The following MAPKAPK3 variants were observed in gnomAD, a reference collection of about 807,000 sequenced individuals.
MAPKAPK3 encodes MAPK activated protein kinase 3.
MAPKAPK3 carries 35 observed loss-of-function variants against 49.2 expected under a neutral mutation model. The ratio of observed to expected loss-of-function variants is 0.71; its 90% CI spans 0.54 to 0.94. The LOEUF (loss-of-function observed/expected upper bound fraction) is 0.94, where lower values mean the gene tolerates loss of function less well. Ranked by LOEUF, MAPKAPK3 falls within the 40% of genes least tolerant of loss-of-function variation. The pLI is 0.00. For synonymous variants in MAPKAPK3, 178 were observed against 188.7 expected, an observed-to-expected ratio of 0.94 and a Z score of 0.46; for missense variants, 398 against 493.1, an observed-to-expected ratio of 0.81 and a Z score of 1.83.
At position 50,648,358 on chromosome 3, in the gene MAPKAPK3, C is replaced by A; in HGVS notation, c.*312C>A. On this transcript the variant is annotated 3_prime_UTR_variant, in exon 11 of 11. Transcript: ENST00000621469. ...GTCCTGCCCTGGTGCATGGCCTTAG[C>A]TTTCTAGGCCACTGGGAGTTGTGGC... 4.5e-6 allele frequency: 1 copy of A among 222,100 alleles called. No individual in the cohort carries two copies. The highest frequency in any genetic ancestry group is 8.9e-6 in the Non-Finnish European group (1 of 112,780). 13.8% of individuals were successfully genotyped at this position (222,100 alleles called of 1,614,324 possible).
At chr3:50,616,266 C>T (rs1191292307), upstream of MAPKAPK3, among the ~76,000 whole-genome samples, 1 of 152,064 alleles carries the variant, frequency 6.6e-6, no homozygotes, top group African/African-American at 2.4e-5. Flanking sequence ...CACAGCCACC[C>T]TCCCTATGGC....
At chr3:50,626,352 G>A (rs1024102059) in intron 2 of MAPKAPK3, among the ~76,000 whole-genome samples, 1 of 152,310 alleles carries the variant, frequency 6.6e-6, no homozygotes, top group East Asian at 1.9e-4. Flanking sequence ...AGAGGGCAGA[G>A]CTGAGTGTGA....
intron 2 of MAPKAPK3, among the ~76,000 whole-genome samples, chr3:50,620,210 C>T (rs1209344701): frequency 6.6e-6 from 1 of 152,094 alleles, no homozygotes; most frequent in African/African-American, 2.4e-5. Flanking sequence ...AGCTTCTGCC[C>T]ATTGCCCAGG....
upstream of MAPKAPK3, chr3:50,611,655 C>T: frequency 1.3e-6 from 2 of 1,489,782 alleles, no homozygotes; most frequent in Non-Finnish European, 1.8e-6. Context: ...GACCATGTCC[C>T]CGCGGCAGCG....
chr3:50,613,488 T>G (rs1428998245), upstream of MAPKAPK3, among the ~76,000 whole-genome samples: 2 of 152,196 alleles, frequency 1.3e-5, no homozygotes, highest in Non-Finnish European at 2.9e-5. Context: ...TAACCCACTT[T>G]GAGGGCTGGG....
intron 6 of MAPKAPK3, among the ~76,000 whole-genome samples, chr3:50,645,158 C>A (rs775695182): frequency 5.0e-4 from 76 of 152,146 alleles, no homozygotes; most frequent in Non-Finnish European, 9.7e-4. Flanking sequence ...GTGGGAAGTT[C>A]CCTGAGACAG....
intron 2 of MAPKAPK3, among the ~76,000 whole-genome samples, chr3:50,630,385 G>A (rs1482134032): frequency 6.6e-6 from 1 of 152,242 alleles, no homozygotes; most frequent in East Asian, 1.9e-4. Flanking sequence ...GGGCAGGCCT[G>A]TACAGTTGAA....
chr3:50,625,039 G>T (rs1169636693), intron 2 of MAPKAPK3, among the ~76,000 whole-genome samples: 1 of 152,168 alleles, frequency 6.6e-6, no homozygotes, highest in African/African-American at 2.4e-5. Flanking sequence ...CAGTGCTCTC[G>T]GCTTAAAATG....
chr3:50,635,069 G>A (rs147064444), intron 2 of MAPKAPK3, among the ~76,000 whole-genome samples: 3,293 of 152,328 alleles, frequency 0.022, 55 homozygotes, highest in Non-Finnish European at 0.033. Context: ...GAGGAAAAGG[G>A]ACTGGCCTAA....
intron 8 of MAPKAPK3, 42 bp from the exon 9 acceptor site, chr3:50,646,698 T>A: frequency 6.4e-7 from 1 of 1,565,210 alleles, no homozygotes; most frequent in Admixed American, 1.7e-5. Context: ...AGGGGCTGGC[T>A]CTGCAATCTC....
At chr3:50,616,303 G>A (rs958056037), upstream of MAPKAPK3, among the ~76,000 whole-genome samples, 1 of 152,170 alleles carries the variant, frequency 6.6e-6, no homozygotes, top group Non-Finnish European at 1.5e-5. Context: ...TCTCCCCAGG[G>A]GTCCCAGTTT....
At position 50,648,133 on chromosome 3, in the gene MAPKAPK3, A is replaced by G; in HGVS notation, c.*87A>G. ...GCCCTGGCCAGGAGGGCCCAGGGTC[A>G]TTCTTTTAACAAAAGGATTATTTTG... On this transcript the variant is annotated 3_prime_UTR_variant, in exon 11 of 11. Coordinates refer to ENST00000621469, the MANE Select transcript of MAPKAPK3 (RefSeq NM_001243925.2). 3 of 1,340,478 alleles carry G rather than the reference A, an allele frequency of 2.2e-6. No individual in the cohort carries two copies. In the South Asian group the frequency reaches 4.2e-5, roughly 19 times the overall value. 83.0% of individuals were successfully genotyped at this position (1,340,478 alleles called of 1,614,324 possible).
chr3:50,630,453 G>A (rs1378250226), intron 2 of MAPKAPK3, among the ~76,000 whole-genome samples: 1 of 152,256 alleles, frequency 6.6e-6, no homozygotes, highest in African/African-American at 2.4e-5. Flanking sequence ...ACGTGACCCA[G>A]AGAATCCACA....
intron 8 of MAPKAPK3, 63 bp downstream of exon 8, chr3:50,646,327 C>A: frequency 6.2e-7 from 1 of 1,606,634 alleles, no homozygotes; most frequent in Non-Finnish European, 8.5e-7. Context: ...TTCTGGGAAA[C>A]ATCACTTTGG....
chr3:50,625,895 C>T lies in MAPKAPK3; in HGVS notation c.219+8111C>T, dbSNP rs544434486. On this transcript the variant is annotated intron_variant, in intron 2 of 10. Coordinates refer to ENST00000621469, the MANE Select transcript of MAPKAPK3 (RefSeq NM_001243925.2). ...CTCATCCTGGTCAGCGGGCAGCTCA[C>T]TCCCCCACCCCCACCCCAGGGGAGG... 2.6e-5 allele frequency among the ~76,000 whole-genome samples: 4 copies of T among 152,196 alleles called. No homozygotes were observed. The South Asian group carries it at 6.2e-4, about 24-fold the overall frequency.
chr3:50,643,998 G>C (rs1448559590), intron 5 of MAPKAPK3, among the ~76,000 whole-genome samples: 1 of 152,174 alleles, frequency 6.6e-6, no homozygotes, highest in African/African-American at 2.4e-5. Context: ...AACCTCAGAT[G>C]GGGCTGTCCT....
intron 10 of MAPKAPK3, 48 bp downstream of exon 10, chr3:50,647,251 A>G (rs2033325039): frequency 2.0e-6 from 3 of 1,504,576 alleles, no homozygotes; most frequent in Non-Finnish European, 2.7e-6. Flanking sequence ...GGATTTGGGC[A>G]AAAGGGACTT....
Position 50,646,190 on chromosome 3 carries a change from C to T in MAPKAPK3, c.755C>T (p.Pro252Leu), listed in dbSNP as rs975963806. 2.0e-5 allele frequency: 32 copies of T among 1,614,144 alleles called. No homozygotes were observed. The highest frequency in any genetic ancestry group is 7.7e-5 in the South Asian group (7 of 91,086). ...FYSNTGQAIS[P>L]GMKRRIRLGQ... ...TCCAACACGGGCCAGGCCATCTCCC[C>T]GGGGATGAAGAGGAGGATTCGCCTG... Residue 252 changes from proline to leucine, a missense_variant, in exon 8 of 11, where the codon CCG becomes CTG. Physicochemically the swap from Pro to Leu is moderately conservative, Grantham distance 98 (BLOSUM62 -3). Coordinates refer to ENST00000621469, the MANE Select transcript of MAPKAPK3 (RefSeq NM_001243925.2).
At position 50,626,372 on chromosome 3, in the gene MAPKAPK3, G is replaced by A. The variant is rs554945546; in HGVS notation, c.219+8588G>A. On this transcript the variant is annotated intron_variant, in intron 2 of 10. Coordinates refer to ENST00000621469, the MANE Select transcript of MAPKAPK3 (RefSeq NM_001243925.2). ...GCAGAGCTGAGTGTGAGCTGCACCT[G>A]CACTAGCTGGTGTGAACACTCAAGA... 4.6e-5 allele frequency among the ~76,000 whole-genome samples: 7 copies of A among 152,154 alleles called. No homozygotes were observed. In the South Asian group the frequency reaches 1.4e-3, roughly 31 times the overall value.
Sources: gnomAD v4.1 joint callset for allele counts (sites outside exome capture counted in the v4.1 genomes callset) on GRCh38, gnomAD v4.1.1 for gene constraint, MANE v1.5 for transcripts, NCBI Gene and HGNC (gene_info 2026-07-23, HGNC 2026-07-21) for gene names.